THADA: variants seen among roughly 807,000 people sequenced by gnomAD.
THADA encodes the protein tRNA (32-2'-O)-methyltransferase regulator THADA.
A neutral mutation model predicts 219.8 loss-of-function variants in THADA; 213 were observed. The observed-to-expected ratio is 0.97, with a 90% CI of 0.87 to 1.09. The LOEUF is 1.09. THADA is among the 50% of genes least tolerant of loss of function. The probability of loss-of-function intolerance (pLI) is 0.00; values close to 1 mark genes in which losing one functional copy is unlikely to be tolerated. For synonymous variants in THADA, 1,018 were observed against 828.9 expected, an observed-to-expected ratio of 1.23 and a Z score of -3.92; for missense variants, 2,956 against 2,311.3, an observed-to-expected ratio of 1.28 and a Z score of -5.72.
At chr2:43,376,310 T>A (rs1246894434) in intron 29 of THADA, among the ~76,000 whole-genome samples, 1 of 152,214 alleles carries the variant, frequency 6.6e-6, no homozygotes, top group African/African-American at 2.4e-5. Flanking sequence ...GAGCCAACAT[T>A]TTTAAAACAG....
intron 36 of THADA, among the ~76,000 whole-genome samples, chr2:43,269,679 G>T (rs1183387807): frequency 2.0e-5 from 3 of 152,180 alleles, no homozygotes; most frequent in African/African-American, 7.2e-5. Flanking sequence ...TTATTTTGAA[G>T]GAATAAATAA....
chr2:43,515,872 A>G (rs1691657682), intron 22 of THADA, among the ~76,000 whole-genome samples: 1 of 152,132 alleles, frequency 6.6e-6, no homozygotes, highest in African/African-American at 2.4e-5. Flanking sequence ...AGTAGTTTCA[A>G]TGGGGTGTCT....
chr2:43,268,895 G>A (rs1671823862), intron 36 of THADA, among the ~76,000 whole-genome samples: 1 of 152,168 alleles, frequency 6.6e-6, no homozygotes, highest in Admixed American at 6.5e-5. Flanking sequence ...CCTGAAGCTG[G>A]GGCTGGAGGA....
At chr2:43,238,268 T>C (rs958020440) in intron 36 of THADA, among the ~76,000 whole-genome samples, 4 of 149,292 alleles carry the variant, frequency 2.7e-5, no homozygotes, top group Non-Finnish European at 5.9e-5. Flanking sequence ...AGTGAAAGGA[T>C]AATTCACAGA....
Position 43,586,277 on chromosome 2 carries a change from A to C in THADA, c.533+124T>G. On this transcript the variant is annotated intron_variant, in intron 7 of 37. Coordinates refer to ENST00000405975, the MANE Select transcript of THADA (RefSeq NM_022065.5). ...AAGACCCCATCTCAAAAAAAATATA[A>C]AAGTGATAATATTAATGAAAAGGGA... 6.0e-6 allele frequency: 5 copies of C among 835,884 alleles called. No individual in the cohort carries two copies. The South Asian group carries it at 1.2e-4, about 20-fold the overall frequency. 51.8% of individuals were successfully genotyped at this position (835,884 alleles called of 1,614,324 possible). A position where few individuals can be genotyped will look rare whatever the true frequency, so the allele number is the denominator to read the frequency against.
At chr2:43,469,396 G>A (rs1403905088) in intron 26 of THADA, among the ~76,000 whole-genome samples, 1 of 151,874 alleles carries the variant, frequency 6.6e-6, no homozygotes, top group East Asian at 1.9e-4. Flanking sequence ...CTAAGCCGAA[G>A]AAAATACAAT....
At chr2:43,471,108 TAAGTA>T (rs1684854789) in intron 26 of THADA, among the ~76,000 whole-genome samples, 1 of 152,196 alleles carries the variant, frequency 6.6e-6, no homozygotes, top group African/African-American at 2.4e-5. Context: ...GTGGTTCTCC[TAAGTA>T]AATATACCAA....
intron 1 of THADA, 59 bp from the exon 2 acceptor site, chr2:43,592,475 T>G (rs1177491664): frequency 1.9e-6 from 2 of 1,035,336 alleles, no homozygotes; most frequent in Non-Finnish European, 2.9e-6. Context: ...AGCACTATGA[T>G]TTTTGGCTGG....
chr2:43,578,510 T>C lies in THADA; in HGVS notation c.816+3A>G. 6.2e-7 allele frequency: 1 copy of C among 1,603,948 alleles called. No homozygotes were observed. The highest frequency in any genetic ancestry group is 1.7e-4 in the Middle Eastern group (1 of 6,028). On this transcript the variant is annotated splice_donor_region_variant and intron_variant, in intron 9 of 37. Transcript: ENST00000405975. ...TACAATTCTAAAAAGGAGATGCACT[T>C]ACCAAATGAGGAATCTTTTCAGACG... is the stretch of plus-strand genomic sequence containing the variant.
chr2:43,287,808 C>T (rs567053574), intron 34 of THADA, among the ~76,000 whole-genome samples: 19 of 152,294 alleles, frequency 1.2e-4, no homozygotes, highest in Non-Finnish European at 2.6e-4. Context: ...GTCTCTCTTG[C>T]TTTTGGGAGT....
intron 30 of THADA, among the ~76,000 whole-genome samples, chr2:43,340,067 C>T (rs546689183): frequency 1.5e-4 from 23 of 152,322 alleles, no homozygotes; most frequent in African/African-American, 5.1e-4. Context: ...CCCTACTAGA[C>T]GGCTACTCTC....
At chr2:43,284,233 C>A (rs1460221104) in intron 35 of THADA, among the ~76,000 whole-genome samples, 2 of 152,168 alleles carry the variant, frequency 1.3e-5, no homozygotes, top group African/African-American at 4.8e-5. Context: ...AAAATGTCTC[C>A]AGGGCATTTC....
intron 22 of THADA, among the ~76,000 whole-genome samples, chr2:43,520,711 TATACACACACACAC>T (rs1420206565): frequency 3.8e-5 from 5 of 131,450 alleles, no homozygotes; most frequent in South Asian, 4.6e-4. Flanking sequence ...CGTATATATA[TATACACACACACAC>T]ACACACACAC....
At chr2:43,283,272 G>A (rs1656141602) in intron 35 of THADA, among the ~76,000 whole-genome samples, 1 of 152,208 alleles carries the variant, frequency 6.6e-6, no homozygotes, top group African/African-American at 2.4e-5. Flanking sequence ...CCCAGTCTCA[G>A]ATAGTTCTAT....
rs563721551 is a variant in THADA, at chr2:43,574,900, C to T, written c.1165G>A (p.Val389Ile). Residue 389 changes from valine (V) to isoleucine (I), a missense_variant, in exon 11 of 38, where the codon GTT becomes ATT. Physicochemically the swap from Val to Ile is conservative, Grantham distance 29. Transcript: ENST00000405975. ...TAGACATATTCCAAAAGTCTCCCAA[C>T]TATACTTGAATTCCCATTCAGGCTG... is the stretch of plus-strand genomic sequence containing the variant. ...TDSLNGNSSIVGRLLEYVYTH... is the reference protein window; with the variant it reads ...TDSLNGNSSIIGRLLEYVYTH... 14 of 1,613,998 alleles carry T rather than the reference C, an allele frequency of 8.7e-6. No individual in the cohort carries two copies. In the South Asian group the frequency reaches 1.4e-4, roughly 16 times the overall value.
Position 43,385,593 on chromosome 2 carries a change from C to T in THADA, c.4227+12378G>A, listed in dbSNP as rs1195537174. Among the ~76,000 whole-genome samples, 34 of 121,238 alleles carry T rather than the reference C, an allele frequency of 2.8e-4. No individual in the cohort carries two copies. The Admixed American group carries it at 3.1e-3, about 11-fold the overall frequency. 79.5% of individuals were successfully genotyped at this position (121,238 alleles called of 152,430 possible). A position where few individuals can be genotyped will look rare whatever the true frequency, so the allele number is the denominator to read the frequency against. On this transcript the variant is annotated intron_variant, in intron 29 of 37. Coordinates refer to ENST00000405975, the MANE Select transcript of THADA (RefSeq NM_022065.5). ...CTGCACTCCAGCCTGGGCAACAGAG[C>T]GAGACTCCGTCTCAAAAAAAAAAAA...
chr2:43,260,469 C>A lies in THADA; in HGVS notation c.5296+19296G>T, dbSNP rs535366127. Among the ~76,000 whole-genome samples, 7 of 152,122 alleles carry A rather than the reference C, an allele frequency of 4.6e-5. No homozygotes were observed. The South Asian group carries it at 8.3e-4, about 18-fold the overall frequency. Reference sequence around the variant, plus strand: ...ATATTATTCATAAAAACTTAATTGCCTAATATATTGCCTGAAGTCCCACCT... The same window carrying A: ...ATATTATTCATAAAAACTTAATTGCATAATATATTGCCTGAAGTCCCACCT... On this transcript the variant is annotated intron_variant, in intron 36 of 37. Transcript: ENST00000405975.
chr2:43,421,788 G>A (rs1411626534), intron 28 of THADA, among the ~76,000 whole-genome samples: 1 of 152,226 alleles, frequency 6.6e-6, no homozygotes, highest in African/African-American at 2.4e-5. Context: ...CACAGTTACA[G>A]AAGTTACTTA....
In THADA at chr2:43,368,983, T is replaced by C. The variant is rs981007541; in HGVS notation, c.4228-24746A>G. Among the ~76,000 whole-genome samples, 11 of 152,188 alleles carry C rather than the reference T, an allele frequency of 7.2e-5. 1 individual carries two copies. The East Asian group carries it at 9.6e-4, about 13-fold the overall frequency. ...GTACCACCACCCTGCCCCTATCTTTTAGGATGAGGATGTCATGAGGCCCAA... is the reference window on the plus strand; with the variant it reads ...GTACCACCACCCTGCCCCTATCTTTCAGGATGAGGATGTCATGAGGCCCAA... On this transcript the variant is annotated intron_variant, in intron 29 of 37. Transcript: ENST00000405975.
Sources: allele counts gnomAD v4.1 joint callset (sites outside exome capture counted in the v4.1 genomes callset), GRCh38; gene constraint gnomAD v4.1.1; transcripts MANE v1.5; gene names NCBI Gene and HGNC (gene_info 2026-07-23, HGNC 2026-07-21).